Variants in BACH2 observed in about 807,000 individuals in gnomAD.
BACH2 encodes the protein transcription regulator protein BACH2.
A neutral mutation model predicts 61.8 loss-of-function variants in BACH2; 5 were observed. The ratio of observed to expected loss-of-function variants is 0.08; its 90% CI spans 0.04 to 0.17. The LOEUF is 0.17. Among genes scored for constraint, BACH2 ranks in the 10% least tolerant of loss-of-function variants. The pLI, the probability that BACH2 is intolerant of heterozygous loss-of-function variation, is 1.00. For synonymous variants in BACH2, 446 were observed against 440.1 expected (o/e 1.01, Z -0.17); for missense variants, 824 against 1,091.1 (o/e 0.76, Z 3.45).
At chr6:90,201,566 A>G (rs760344095) in intron 4 of BACH2, among the ~76,000 whole-genome samples, 7 of 152,188 alleles carry the variant, frequency 4.6e-5, no homozygotes. Context: ...AGAACTCTTA[A>G]TAACTCTTTC....
chr6:89,991,422 C>T (rs1429960935), intron 6 of BACH2, among the ~76,000 whole-genome samples: 1 of 152,130 alleles, frequency 6.6e-6, no homozygotes, highest in Non-Finnish European at 1.5e-5. Flanking sequence ...AATTTGTGTG[C>T]TCTCTTCTCT....
intron 8 of BACH2, among the ~76,000 whole-genome samples, chr6:89,936,729 A>G (rs564927735): frequency 1.3e-5 from 2 of 152,228 alleles, no homozygotes; most frequent in South Asian, 2.1e-4. Context: ...AACAACAACA[A>G]TAACAAAAAA....
In BACH2 at chr6:90,042,508, C is replaced by T. The variant is rs75249386; in HGVS notation, c.-12-33652G>A. Among the ~76,000 whole-genome samples, 1,110 of 152,160 alleles carry T rather than the reference C, an allele frequency of 7.3e-3. 50 individuals are homozygous for T. The East Asian group carries it at 0.14, about 19-fold the overall frequency. The stretch of plus-strand genomic sequence containing the variant: ...ACCACTGTGCCCAGCCAAGAATAAT[C>T]CTTTTGCTGCCATTCATGGTGTATT... On this transcript the variant is annotated intron_variant, in intron 5 of 8. Transcript: ENST00000257749.
chr6:90,087,598 G>A (rs1781990047), intron 5 of BACH2, among the ~76,000 whole-genome samples: 1 of 152,156 alleles, frequency 6.6e-6, no homozygotes, highest in Non-Finnish European at 1.5e-5. Context: ...CAACGGGCCT[G>A]TTCGAAAGCT....
chr6:90,142,056 G>A (rs1424607479), intron 4 of BACH2, among the ~76,000 whole-genome samples: 1 of 152,172 alleles, frequency 6.6e-6, no homozygotes, highest in Non-Finnish European at 1.5e-5. Flanking sequence ...ACTTCATCCT[G>A]GGTGACAGAA....
intron 8 of BACH2, among the ~76,000 whole-genome samples, chr6:89,933,936 G>C (rs1174365986): frequency 2.6e-5 from 4 of 151,928 alleles, no homozygotes; most frequent in Non-Finnish European, 5.9e-5. Context: ...CAGTGAGCGA[G>C]ATGGTGCCAC....
chr6:90,141,698 T>C (rs1437933123), intron 4 of BACH2, among the ~76,000 whole-genome samples: 1 of 152,210 alleles, frequency 6.6e-6, no homozygotes, highest in African/African-American at 2.4e-5. Context: ...ATACCTAATT[T>C]ATTTAGTTGT....
In BACH2 at chr6:89,980,293, C is replaced by CA. The variant is rs55688725; in HGVS notation, c.243+28308dup. ...TGGGTGACAGAGCAAGACTCTGTCTCAAAAAAAAAAAAAAATCTGTTTTAG... is the reference window on the plus strand; with the variant it reads ...TGGGTGACAGAGCAAGACTCTGTCTCAAAAAAAAAAAAAAAATCTGTTTTAG... On this transcript the variant is annotated intron_variant, in intron 6 of 8. Coordinates refer to ENST00000257749, the MANE Select transcript of BACH2 (RefSeq NM_021813.4). Among the ~76,000 whole-genome samples the CA allele has an allele frequency of 6.7e-3, 926 of 138,958 alleles. 3 individuals carry two copies. Among genetic ancestry groups the CA allele is most frequent in the African/African-American group, 0.018 (675 of 37,028 alleles). The allele number at this position is 138,958 out of a possible 152,430, so 91.2% of individuals were successfully genotyped here.
chr6:89,934,526 G>A (rs1335764212), intron 8 of BACH2, among the ~76,000 whole-genome samples: 1 of 152,126 alleles, frequency 6.6e-6, no homozygotes, highest in Non-Finnish European at 1.5e-5. Context: ...GGGTGTGTTG[G>A]TGCGTGCTTA....
chr6:90,062,614 C>T (rs1219576789), intron 5 of BACH2, among the ~76,000 whole-genome samples: 2 of 152,206 alleles, frequency 1.3e-5, no homozygotes, highest in Non-Finnish European at 2.9e-5. Flanking sequence ...TAATTTTCTT[C>T]ACCCAAAGAC....
chr6:90,033,898 C>G (rs1223200244), intron 5 of BACH2, among the ~76,000 whole-genome samples: 1 of 152,086 alleles, frequency 6.6e-6, no homozygotes, highest in Non-Finnish European at 1.5e-5. Context: ...CAAATGATAC[C>G]AAAAGAGACA....
At chr6:90,150,752 G>A (rs756907865) in intron 4 of BACH2, among the ~76,000 whole-genome samples, 3 of 152,182 alleles carry the variant, frequency 2.0e-5, no homozygotes, top group Non-Finnish European at 2.9e-5. Flanking sequence ...TTGCTGGAAT[G>A]GGCATGCCTT....
intron 3 of BACH2, among the ~76,000 whole-genome samples, chr6:90,234,228 A>C (rs1465648954): frequency 1.3e-5 from 2 of 152,186 alleles, no homozygotes; most frequent in African/African-American, 4.8e-5. Flanking sequence ...AAAACTAAAC[A>C]CATCAAGGAT....
At chr6:90,013,990 C>T (rs1328358029) in intron 5 of BACH2, among the ~76,000 whole-genome samples, 1 of 151,848 alleles carries the variant, frequency 6.6e-6, no homozygotes, top group African/African-American at 2.4e-5. Context: ...TGCTATGTTG[C>T]CCAGGCTGCT....
intron 3 of BACH2, among the ~76,000 whole-genome samples, chr6:90,219,452 C>T (rs2127855246): frequency 2.6e-5 from 4 of 152,366 alleles, no homozygotes; most frequent in Admixed American, 2.6e-4. Flanking sequence ...CTTTTTCTCT[C>T]TCTTTTCCGC....
chr6:90,093,935 C>T lies in BACH2; in HGVS notation c.-161-4826G>A, dbSNP rs77937014. 8.8e-3 allele frequency among the ~76,000 whole-genome samples: 1,346 copies of T among 152,188 alleles called. 18 individuals are homozygous for T. The highest frequency in any genetic ancestry group is 0.031 in the African/African-American group (1,288 of 41,536). On this transcript the variant is annotated intron_variant, in intron 4 of 8. Transcript: ENST00000257749. Reference sequence around the variant, plus strand: ...TGAAAGCACTGCTTTTTCATTTCTTCGTATTTACTGTTAGAGAAGTTGGGG... The same window carrying T: ...TGAAAGCACTGCTTTTTCATTTCTTTGTATTTACTGTTAGAGAAGTTGGGG...
chr6:90,208,544 C>A (rs1769229330), intron 3 of BACH2, among the ~76,000 whole-genome samples: 3 of 152,176 alleles, frequency 2.0e-5, no homozygotes, highest in Non-Finnish European at 4.4e-5. Flanking sequence ...ATTAAAAAGT[C>A]AGGAAACAAC....
At chr6:90,150,000 T>A (rs1267667624) in intron 4 of BACH2, among the ~76,000 whole-genome samples, 1 of 152,184 alleles carries the variant, frequency 6.6e-6, no homozygotes, top group African/African-American at 2.4e-5. Context: ...AACCAAGACA[T>A]GATTACTCTC....
intron 4 of BACH2, among the ~76,000 whole-genome samples, chr6:90,139,588 C>CT (rs1234233567): frequency 2.0e-5 from 3 of 152,032 alleles, no homozygotes; most frequent in South Asian, 2.1e-4. Context: ...ATCTCCCTCC[C>CT]TTTTTTTTCT....
Sources: allele counts gnomAD v4.1 joint callset (sites outside exome capture counted in the v4.1 genomes callset), GRCh38; gene constraint gnomAD v4.1.1; transcripts MANE v1.5; gene names NCBI Gene and HGNC (gene_info 2026-07-23, HGNC 2026-07-21).